The following CDK14 variants were observed in gnomAD, a reference collection of about 807,000 sequenced individuals.
CDK14 encodes the protein cyclin-dependent kinase 14.
A neutral mutation model predicts 60.7 loss-of-function variants in CDK14; 34 were observed. The ratio of observed to expected loss-of-function variants is 0.56; its 90% CI spans 0.43 to 0.75. The LOEUF is 0.75. Among genes scored for constraint, CDK14 ranks in the 30% least tolerant of loss-of-function variants. The pLI, the probability that CDK14 is intolerant of heterozygous loss-of-function variation, is 0.00. For synonymous variants in CDK14, 197 were observed against 203.7 expected, an observed-to-expected ratio of 0.97 and a Z score of 0.28; for missense variants, 482 against 564.1, an observed-to-expected ratio of 0.85 and a Z score of 1.47.
intron 5 of CDK14, among the ~76,000 whole-genome samples, chr7:90,827,602 A>G (rs1178468958): frequency 1.3e-5 from 2 of 152,216 alleles, no homozygotes; most frequent in East Asian, 3.9e-4. Flanking sequence ...GGTCCTGCAG[A>G]AACGCCAACC....
intron 8 of CDK14, among the ~76,000 whole-genome samples, chr7:90,941,984 A>G (rs1031676421): frequency 2.6e-5 from 4 of 152,186 alleles, no homozygotes; most frequent in African/African-American, 4.8e-5. Context: ...TTAGTCGGCT[A>G]CAATGCAGCT....
intron 8 of CDK14, among the ~76,000 whole-genome samples, chr7:90,928,736 ACT>A (rs1793499078): frequency 6.6e-6 from 1 of 151,822 alleles, no homozygotes; most frequent in Non-Finnish European, 1.5e-5. Flanking sequence ...GAGAACCACT[ACT>A]CTCTTCAAAG....
Position 91,209,097 on chromosome 7 carries a change from G to A in CDK14, c.*1961G>A, listed in dbSNP as rs997050710. On this transcript the variant is annotated 3_prime_UTR_variant, in exon 15 of 15. Coordinates refer to ENST00000380050, the MANE Select transcript of CDK14 (RefSeq NM_001287135.2). ...ATTTGTTTTTAATCATTCATTTGGAGAAGAGGCATGACCTTTGTATTTCAC... is the reference window on the plus strand; with the variant it reads ...ATTTGTTTTTAATCATTCATTTGGAAAAGAGGCATGACCTTTGTATTTCAC... The A allele has an allele frequency of 1.2e-4, 19 of 152,514 alleles. No individual in the cohort carries two copies. The highest frequency in any genetic ancestry group is 4.1e-4 in the African/African-American group (17 of 41,452). 9.4% of individuals were successfully genotyped at this position (152,514 alleles called of 1,614,324 possible). A position where few individuals can be genotyped will look rare whatever the true frequency, so the allele number is the denominator to read the frequency against.
At chr7:90,894,655 G>C (rs1355480454) in intron 6 of CDK14, among the ~76,000 whole-genome samples, 1 of 152,140 alleles carries the variant, frequency 6.6e-6, no homozygotes, top group African/African-American at 2.4e-5. Flanking sequence ...TCTTAGAAAA[G>C]TTTAAGATAA....
At chr7:91,054,653 A>G (rs1401469663) in intron 11 of CDK14, among the ~76,000 whole-genome samples, 1 of 152,150 alleles carries the variant, frequency 6.6e-6, no homozygotes, top group African/African-American at 2.4e-5. Context: ...ACTGCTTTAC[A>G]TCTGCTTATG....
At chr7:91,198,194 A>G (rs1802609542) in intron 14 of CDK14, among the ~76,000 whole-genome samples, 1 of 152,208 alleles carries the variant, frequency 6.6e-6, no homozygotes, top group Non-Finnish European at 1.5e-5. Flanking sequence ...CTGCTGTAAT[A>G]TGACATCTGT....
At chr7:91,084,815 G>A (rs377140831) in intron 12 of CDK14, among the ~76,000 whole-genome samples, 5 of 152,260 alleles carry the variant, frequency 3.3e-5, no homozygotes, top group East Asian at 3.9e-4. Context: ...TTCAGATTAC[G>A]TGTTGGACTC....
intron 6 of CDK14, among the ~76,000 whole-genome samples, chr7:90,864,844 C>T (rs1487806941): frequency 1.3e-5 from 2 of 152,042 alleles, no homozygotes; most frequent in Non-Finnish European, 2.9e-5. Context: ...TTCCCTAGTC[C>T]AATTCTTATG....
intron 10 of CDK14, among the ~76,000 whole-genome samples, chr7:90,996,981 C>T (rs1795704614): frequency 1.3e-5 from 2 of 152,302 alleles, no homozygotes; most frequent in Non-Finnish European, 2.9e-5. Context: ...TATTAAACTT[C>T]TGTGTCTAAG....
At chr7:90,965,437 A>G (rs1429784455) in intron 9 of CDK14, among the ~76,000 whole-genome samples, 4 of 152,182 alleles carry the variant, frequency 2.6e-5, no homozygotes, top group Admixed American at 1.3e-4. Context: ...TTCTTTGGGG[A>G]AGCTTCTCTC....
chr7:90,652,049 T>A (rs938106401), intron 2 of CDK14, among the ~76,000 whole-genome samples: 5 of 152,170 alleles, frequency 3.3e-5, no homozygotes, highest in African/African-American at 1.2e-4. Context: ...TGCTCACCAG[T>A]GGGCACTTGC....
chr7:90,635,088 G>A (rs1800106155), intron 2 of CDK14, among the ~76,000 whole-genome samples: 1 of 152,010 alleles, frequency 6.6e-6, no homozygotes, highest in African/African-American at 2.4e-5. Context: ...TAGGTTGCCT[G>A]TTCACTCTGA....
intron 4 of CDK14, among the ~76,000 whole-genome samples, chr7:90,757,607 T>TG (rs1269292014): frequency 2.6e-5 from 4 of 151,990 alleles, no homozygotes; most frequent in South Asian, 2.1e-4. Context: ...TTTTTTTTTT[T>TG]TTTGTTTGAG....
chr7:91,088,225 G>C (rs1798694861), intron 12 of CDK14, among the ~76,000 whole-genome samples: 1 of 152,186 alleles, frequency 6.6e-6, no homozygotes, highest in Non-Finnish European at 1.5e-5. Context: ...TGGGAGCATG[G>C]CCATGCCATA....
At chr7:90,794,633 G>A (rs922224253) in intron 5 of CDK14, among the ~76,000 whole-genome samples, 2 of 152,152 alleles carry the variant, frequency 1.3e-5, no homozygotes, top group Non-Finnish European at 2.9e-5. Flanking sequence ...TATCTCCCTT[G>A]TTCCCTGAAC....
chr7:90,916,592 C>T (rs1380574791), intron 7 of CDK14, among the ~76,000 whole-genome samples: 3 of 152,256 alleles, frequency 2.0e-5, no homozygotes, highest in African/African-American at 4.8e-5. Context: ...TTCTATCATT[C>T]GTCTTTTACA....
chr7:91,050,653 G>A (rs1244038884), intron 11 of CDK14, among the ~76,000 whole-genome samples: 1 of 152,198 alleles, frequency 6.6e-6, no homozygotes, highest in Non-Finnish European at 1.5e-5. Flanking sequence ...GTCTGTGTAA[G>A]TCTCATTTGT....
intron 2 of CDK14, among the ~76,000 whole-genome samples, chr7:90,638,022 G>C (rs1016969070): frequency 6.8e-6 from 1 of 147,744 alleles, no homozygotes; most frequent in South Asian, 2.2e-4. Flanking sequence ...GCCTATGTGT[G>C]TCTCTGAACG....
intron 5 of CDK14, 39 bp from the exon 6 acceptor site, chr7:90,863,136 T>C (rs1791061835): frequency 8.9e-7 from 1 of 1,119,946 alleles, no homozygotes; most frequent in African/African-American, 1.5e-5. Context: ...TTGATTGTTA[T>C]CCACGATAAA....
Sources: gnomAD v4.1 joint callset for allele counts (sites outside exome capture counted in the v4.1 genomes callset) on GRCh38, gnomAD v4.1.1 for gene constraint, MANE v1.5 for transcripts, NCBI Gene and HGNC (gene_info 2026-07-23, HGNC 2026-07-21) for gene names.